Variants in PPP1R14C observed in about 807,000 individuals in gnomAD.
PPP1R14C encodes the protein protein phosphatase 1 regulatory inhibitor subunit 14C, also known as protein phosphatase 1 regulatory subunit 14C.
PPP1R14C carries 16 observed loss-of-function variants against 20.4 expected under a neutral mutation model. That is an observed-to-expected ratio of 0.78 (90% CI 0.53 to 1.19). PPP1R14C has a LOEUF of 1.19. Among genes scored for constraint, PPP1R14C ranks in the 50% most tolerant of loss-of-function variants. The pLI, the probability that PPP1R14C is intolerant of heterozygous loss-of-function variation, is 0.00. For missense variants in PPP1R14C, 211 were observed against 220.1 expected (o/e 0.96, Z 0.26); for synonymous variants, 91 against 91.0 (o/e 1.00, Z 0.00).
chr6:150,147,520 T>C (rs566086635), intron 1 of PPP1R14C, among the ~76,000 whole-genome samples: 79 of 152,328 alleles, frequency 5.2e-4, no homozygotes, highest in African/African-American at 1.9e-3. Context: ...TGGCATAATA[T>C]CTACTTTAAC....
At chr6:150,203,733 T>C (rs752892931) in intron 1 of PPP1R14C, among the ~76,000 whole-genome samples, 6 of 152,266 alleles carry the variant, frequency 3.9e-5, no homozygotes, top group Non-Finnish European at 7.3e-5. Context: ...ACTGCTTTTA[T>C]TCCATCATCG....
chr6:150,155,027 C>A (rs1777290887), intron 1 of PPP1R14C, among the ~76,000 whole-genome samples: 1 of 152,120 alleles, frequency 6.6e-6, no homozygotes, highest in Admixed American at 6.5e-5. Context: ...TTTATCTTGG[C>A]ACCTCATAAT....
chr6:150,184,593 A>G (rs999788344), intron 1 of PPP1R14C, among the ~76,000 whole-genome samples: 5 of 150,202 alleles, frequency 3.3e-5, no homozygotes, highest in Admixed American at 2.0e-4. Context: ...TACTATACCT[A>G]TATCTTGGAG....
At position 150,173,452 on chromosome 6, in the gene PPP1R14C, A is replaced by G. The variant is rs184135189; in HGVS notation, c.306+29954A>G. Reference sequence around the variant, plus strand: ...CAGATTCTCCCACCTTGCTGTATACATGCTGCTCGGAGAGGCCACTGTAAA... The same window carrying G: ...CAGATTCTCCCACCTTGCTGTATACGTGCTGCTCGGAGAGGCCACTGTAAA... On this transcript the variant is annotated intron_variant, in intron 1 of 3. Transcript: ENST00000361131. Among the ~76,000 whole-genome samples the G allele has an allele frequency of 1.4e-3, 214 of 151,998 alleles. 1 individual carries two copies. The highest frequency in any genetic ancestry group is 2.2e-3 in the Admixed American group (33 of 15,270).
At chr6:150,228,299 C>T (rs1458307967) in intron 3 of PPP1R14C, among the ~76,000 whole-genome samples, 1 of 152,166 alleles carries the variant, frequency 6.6e-6, no homozygotes, top group Non-Finnish European at 1.5e-5. Context: ...GTTCACACGT[C>T]CTCAAAACCA....
At chr6:150,227,952 C>T (rs1290506244) in intron 3 of PPP1R14C, among the ~76,000 whole-genome samples, 1 of 152,194 alleles carries the variant, frequency 6.6e-6, no homozygotes, top group Non-Finnish European at 1.5e-5. Flanking sequence ...CATTAGGATT[C>T]TATGCACCAG....
chr6:150,214,954 C>A, intron 2 of PPP1R14C, 127 bp downstream of exon 2: 1 of 657,176 alleles, frequency 1.5e-6, no homozygotes, highest in South Asian at 2.1e-5. Context: ...GGGCCATTTG[C>A]AGAGAGGAAA....
At chr6:150,187,618 A>T (rs1032241804) in intron 1 of PPP1R14C, among the ~76,000 whole-genome samples, 2 of 152,128 alleles carry the variant, frequency 1.3e-5, no homozygotes, top group African/African-American at 4.8e-5. Flanking sequence ...TCTGCAGAGG[A>T]CATGATCTCT....
intron 3 of PPP1R14C, among the ~76,000 whole-genome samples, chr6:150,229,188 C>T (rs1480479803): frequency 6.6e-6 from 1 of 152,050 alleles, no homozygotes; most frequent in Non-Finnish European, 1.5e-5. Context: ...ATCAAAAGTC[C>T]CCAAAAGCCC....
intron 1 of PPP1R14C, among the ~76,000 whole-genome samples, chr6:150,182,772 A>G (rs1410167169): frequency 1.3e-5 from 2 of 152,202 alleles, no homozygotes; most frequent in African/African-American, 2.4e-5. Context: ...TGATGGGGAT[A>G]TGTTCTGAGA....
chr6:150,158,442 G>A (rs571242292), intron 1 of PPP1R14C, among the ~76,000 whole-genome samples: 2 of 152,136 alleles, frequency 1.3e-5, no homozygotes, highest in Non-Finnish European at 2.9e-5. Flanking sequence ...GGAAAATCTT[G>A]TTGGGTTGCT....
chr6:150,248,634 C>A, intron 3 of PPP1R14C, 112 bp from the exon 4 acceptor site: 1 of 682,502 alleles, frequency 1.5e-6, no homozygotes, highest in South Asian at 2.0e-5. Context: ...ACACATTCAA[C>A]CAAATTCATC....
intron 1 of PPP1R14C, among the ~76,000 whole-genome samples, chr6:150,179,426 G>A (rs1252972632): frequency 1.7e-5 from 2 of 114,730 alleles, no homozygotes; most frequent in African/African-American, 9.0e-5. Context: ...GAGAAAGAAA[G>A]GAGGGAGGGA....
chr6:150,186,130 G>C (rs1777674225), intron 1 of PPP1R14C, among the ~76,000 whole-genome samples: 2 of 152,146 alleles, frequency 1.3e-5, no homozygotes, highest in Admixed American at 1.3e-4. Context: ...ACTGTTCTCA[G>C]GGCTTCTAAA....
intron 1 of PPP1R14C, among the ~76,000 whole-genome samples, chr6:150,170,787 T>TA (rs2114869025): frequency 6.6e-6 from 1 of 151,660 alleles, no homozygotes; most frequent in South Asian, 2.1e-4. Context: ...TCTTTTTTTT[T>TA]TTTTTTTAAT....
At chr6:150,149,564 T>G (rs1399647566) in intron 1 of PPP1R14C, among the ~76,000 whole-genome samples, 1 of 149,260 alleles carries the variant, frequency 6.7e-6, no homozygotes, top group Non-Finnish European at 1.5e-5. Flanking sequence ...TTCCAAAGTG[T>G]TGGGATTACA....
chr6:150,143,633 G>A lies in PPP1R14C; in HGVS notation c.306+135G>A, dbSNP rs1777149456. On this transcript the variant is annotated intron_variant, in intron 1 of 3. Transcript: ENST00000361131. The surrounding 1 kb of genome is among the most constrained non-coding windows in gnomAD (Gnocchi z 5.6). ...GGACCAAGTGCCAGGAGCGAGGCGC[G>A]GCGCCTTCTCTCCCCCGCGGTGCCC... is the stretch of plus-strand genomic sequence containing the variant. The A allele has an allele frequency of 4.5e-6, 3 of 667,494 alleles. No individual in the cohort carries two copies. Among genetic ancestry groups the A allele is most frequent in the Admixed American group, 3.4e-5 (1 of 29,092 alleles). The allele number at this position is 667,494 out of a possible 1,614,324, so 41.3% of individuals were successfully genotyped here. A position where few individuals can be genotyped will look rare whatever the true frequency, so the allele number is the denominator to read the frequency against.
chr6:150,220,634 T>G (rs1429350021), intron 3 of PPP1R14C, among the ~76,000 whole-genome samples: 2 of 152,232 alleles, frequency 1.3e-5, no homozygotes, highest in African/African-American at 4.8e-5. Flanking sequence ...TTTTCTTCAG[T>G]TCTCCACCTA....
At chr6:150,182,335 A>G (rs1190372156) in intron 1 of PPP1R14C, among the ~76,000 whole-genome samples, 2 of 152,218 alleles carry the variant, frequency 1.3e-5, no homozygotes, top group Non-Finnish European at 2.9e-5. Context: ...AGCTTGAACA[A>G]TATAGATGTG....
Sources: allele counts gnomAD v4.1 joint callset (sites outside exome capture counted in the v4.1 genomes callset), GRCh38; gene constraint gnomAD v4.1.1; non-coding constraint Gnocchi (gnomAD v3.1); transcripts MANE v1.5; gene names NCBI Gene and HGNC (gene_info 2026-07-23, HGNC 2026-07-21).